The following HDAC9 variants were observed in gnomAD, a reference collection of about 807,000 sequenced individuals.
The protein encoded by HDAC9 is histone deacetylase 9, also known as MEF-2 interacting transcription repressor (MITR) protein.
HDAC9 carries 41 observed loss-of-function variants against 139.4 expected under a neutral mutation model. The ratio of observed to expected loss-of-function variants is 0.29; its 90% CI spans 0.23 to 0.38. The LOEUF (loss-of-function observed/expected upper bound fraction) is 0.38, where lower values mean the gene tolerates loss of function less well. HDAC9 is among the 10% of genes least tolerant of loss of function. The pLI, the probability that HDAC9 is intolerant of heterozygous loss-of-function variation, is 1.00. For synonymous variants in HDAC9, 517 were observed against 476.2 expected (o/e 1.09, Z -1.12); for missense variants, 1,147 against 1,297.0 (o/e 0.88, Z 1.78).
At chr7:18,732,430 A>G (rs531529547) in intron 13 of HDAC9, among the ~76,000 whole-genome samples, 89 of 148,878 alleles carry the variant, frequency 6.0e-4, no homozygotes, top group Non-Finnish European at 1.1e-3. Context: ...GCATGTGTGT[A>G]TGTGTCTATC....
At position 18,445,160 on chromosome 7, in the gene HDAC9, A is replaced by G. The variant is rs530801237; in HGVS notation, c.-41-51102A>G. On this transcript the variant is annotated intron_variant, in intron 1 of 3. Coordinates refer to the HDAC9 transcript ENST00000413509. ...GAAAATTGAATTACACATTTTCTTA[A>G]GACAATAGTCATATCATGGCAACAG... Among the ~76,000 whole-genome samples the G allele has an allele frequency of 3.9e-4, 59 of 152,342 alleles. No individual in the cohort carries two copies. The Middle Eastern group carries it at 0.01, about 26-fold the overall frequency.
At chr7:18,611,383 G>C (rs1410307739) in intron 6 of HDAC9, among the ~76,000 whole-genome samples, 1 of 152,088 alleles carries the variant, frequency 6.6e-6, no homozygotes, top group Non-Finnish European at 1.5e-5. Context: ...GACTTATATA[G>C]TAGAATAGAT....
intron 17 of HDAC9, 86 bp from the exon 18 acceptor site, chr7:18,829,075 G>T (rs1795670091): frequency 4.5e-6 from 4 of 897,608 alleles, no homozygotes; most frequent in Non-Finnish European, 7.6e-6. Flanking sequence ...TGTGCCTGAG[G>T]CACTGTTGTG....
chr7:18,496,023 G>A lies in HDAC9; in HGVS notation c.-42G>A. The A allele has an allele frequency of 7.0e-7, 1 of 1,431,080 alleles. No individual in the cohort carries two copies. The highest frequency in any genetic ancestry group is 9.1e-7 in the Non-Finnish European group (1 of 1,097,152). 88.6% of individuals were successfully genotyped at this position (1,431,080 alleles called of 1,614,324 possible). ...CTCTGTCCTTTCTGCTTTGCACACA[G>A]GTTGGTAACATGGGAAAAGTGTCCA... On this transcript the variant is annotated splice_region_variant and 5_prime_UTR_variant, in exon 1 of 26. Coordinates refer to ENST00000686413, the MANE Select transcript of HDAC9 (RefSeq NM_178425.4).
At chr7:18,951,912 A>T (rs543260126) in intron 23 of HDAC9, among the ~76,000 whole-genome samples, 26 of 152,020 alleles carry the variant, frequency 1.7e-4, no homozygotes, top group Non-Finnish European at 3.1e-4. Flanking sequence ...GCCATACAAG[A>T]TTTTAATTTT....
intron 22 of HDAC9, among the ~76,000 whole-genome samples, chr7:18,891,485 T>G (rs1317953444): frequency 6.6e-6 from 1 of 152,134 alleles, no homozygotes; most frequent in Non-Finnish European, 1.5e-5. Context: ...GGGTGCAAAA[T>G]GAGATCAGCA....
intron 2 of HDAC9, among the ~76,000 whole-genome samples, chr7:18,253,495 A>C (rs926532465): frequency 4.6e-5 from 7 of 152,100 alleles, no homozygotes; most frequent in African/African-American, 1.7e-4. Context: ...TCATTTTTCT[A>C]ATGATCAGTG....
At chr7:18,567,685 T>C (rs989107529) in intron 2 of HDAC9, among the ~76,000 whole-genome samples, 3 of 152,152 alleles carry the variant, frequency 2.0e-5, no homozygotes, top group Non-Finnish European at 4.4e-5. Context: ...GGTAAATATT[T>C]TTCCCATAGT....
chr7:18,895,122 T>TTATG (rs1031216790), intron 22 of HDAC9, among the ~76,000 whole-genome samples: 3 of 152,102 alleles, frequency 2.0e-5, no homozygotes, highest in African/African-American at 7.2e-5. Context: ...TTAGAACAAC[T>TTATG]TATGAGCCCA....
At chr7:18,160,767 C>T (rs757956817) in intron 1 of HDAC9, among the ~76,000 whole-genome samples, 1 of 152,224 alleles carries the variant, frequency 6.6e-6, no homozygotes, top group Non-Finnish European at 1.5e-5. Flanking sequence ...CAGGCGCCCA[C>T]CACCATGCCT....
chr7:18,762,801 A>G (rs1584993686), intron 15 of HDAC9, among the ~76,000 whole-genome samples: 1 of 152,308 alleles, frequency 6.6e-6, no homozygotes, highest in East Asian at 1.9e-4. Flanking sequence ...TAAATAATAC[A>G]TTAAATGCAA....
At chr7:18,630,090 G>C (rs1312735072) in intron 7 of HDAC9, among the ~76,000 whole-genome samples, 2 of 152,016 alleles carry the variant, frequency 1.3e-5, no homozygotes, top group African/African-American at 4.8e-5. Context: ...AGAGGGGTTA[G>C]GAAATTCAAC....
At chr7:18,487,876 T>C (rs112362438) in intron 1 of HDAC9, among the ~76,000 whole-genome samples, 3 of 152,174 alleles carry the variant, frequency 2.0e-5, no homozygotes, top group African/African-American at 7.2e-5. Context: ...GGTTGACTTT[T>C]GGTATCTGCT....
chr7:18,268,161 A>T (rs1337322747), intron 2 of HDAC9, among the ~76,000 whole-genome samples: 1 of 152,160 alleles, frequency 6.6e-6, no homozygotes, highest in South Asian at 2.1e-4. Context: ...AATGTGAAGA[A>T]ATCAAAGAGA....
intron 12 of HDAC9, among the ~76,000 whole-genome samples, chr7:18,703,624 T>G (rs1783669598): frequency 6.6e-6 from 1 of 152,304 alleles, no homozygotes; most frequent in East Asian, 1.9e-4. Context: ...CGTAGTGAAC[T>G]AATGCATGCA....
chr7:18,488,824 G>T (rs1796159729), intron 1 of HDAC9, among the ~76,000 whole-genome samples: 1 of 151,952 alleles, frequency 6.6e-6, no homozygotes, highest in South Asian at 2.1e-4. Context: ...GTCACATTGA[G>T]ATCATTTATG....
rs376622296 is a variant in HDAC9 at position 18,464,066 on chromosome 7, CTGTT to C, written c.-41-32192_-41-32189del. 2.0e-3 allele frequency among the ~76,000 whole-genome samples: 305 copies of C among 152,026 alleles called. 1 individual carries two copies. Among genetic ancestry groups the C allele is most frequent in the African/African-American group, 6.0e-3 (251 of 41,542 alleles). ...AATATGTTAAAATCTCCCAGCATGT[CTGTT>C]TGTCTATTTGACTTTTATTTTAAAC... On this transcript the variant is annotated intron_variant, in intron 1 of 3. Coordinates refer to the HDAC9 transcript ENST00000413509.
At chr7:18,648,326 C>G in intron 10 of HDAC9, 140 bp from the exon 11 acceptor site, 3 of 717,262 alleles carry the variant, frequency 4.2e-6, no homozygotes, top group South Asian at 1.9e-5. Flanking sequence ...GGTAGCATCA[C>G]TAATTCACTA....
intron 12 of HDAC9, chr7:18,668,105 T>A: frequency 1.1e-6 from 1 of 924,330 alleles, no homozygotes; most frequent in Non-Finnish European, 1.3e-6. Context: ...GCTGTGACAT[T>A]TAAAAATATT....
Sources: gnomAD v4.1 joint callset for allele counts (sites outside exome capture counted in the v4.1 genomes callset) on GRCh38, gnomAD v4.1.1 for gene constraint, MANE v1.5 for transcripts, NCBI Gene and HGNC (gene_info 2026-07-23, HGNC 2026-07-21) for gene names.